The following TRANK1 variants were observed in gnomAD, a reference collection of about 807,000 sequenced individuals.
The protein encoded by TRANK1 is TPR and ankyrin repeat-containing protein 1.
In TRANK1, 198 loss-of-function variants were observed where a neutral mutation model predicts 266.0. That is an observed-to-expected ratio of 0.74 (90% CI 0.66 to 0.84). The LOEUF (loss-of-function observed/expected upper bound fraction) is 0.84, where lower values mean the gene tolerates loss of function less well. TRANK1 is among the 40% of genes least tolerant of loss of function. TRANK1 has a pLI of 0.00. For missense variants in TRANK1, 3,326 were observed against 3,634.6 expected (o/e 0.92, Z 2.18); for synonymous variants, 1,396 against 1,384.1 (o/e 1.01, Z -0.19).
At chr3:36,851,617 G>T in intron 15 of TRANK1, 102 bp downstream of exon 15, 2 of 1,387,964 alleles carry the variant, frequency 1.4e-6, no homozygotes, top group Non-Finnish European at 1.9e-6. Context: ...ACAGGAGCCT[G>T]TGATAAACTC....
chr3:36,833,032 A>G lies in TRANK1; in HGVS notation c.6551T>C (p.Leu2184Pro). Reference sequence around the variant, plus strand: ...GCAGACTCCTCGGTAGGTCTTCCCAAGCAGGCTCCGTGTGATCTGACACAG... The same window carrying G: ...GCAGACTCCTCGGTAGGTCTTCCCAGGCAGGCTCCGTGTGATCTGACACAG... ...GRLCQITRSL[L>P]GKTYRGVCMR... Residue 2184 changes from leucine to proline, a missense_variant, in exon 22 of 24, where the codon CTT (leucine) becomes CCT (proline). Coordinates refer to ENST00000645898, the MANE Select transcript of TRANK1 (RefSeq NM_001329998.2). 6.2e-7 allele frequency: 1 copy of G among 1,612,768 alleles called. No homozygotes were observed. Among genetic ancestry groups the G allele is most frequent in the Non-Finnish European group, 8.5e-7 (1 of 1,179,306 alleles).
Position 36,829,692 on chromosome 3 carries a change from T to C in TRANK1, c.8711-30A>G, listed in dbSNP as rs977203420. 9 of 1,605,262 alleles carry C rather than the reference T, an allele frequency of 5.6e-6. No homozygotes were observed. The African/African-American group carries it at 9.4e-5, about 17-fold the overall frequency. ...AGAAACCAAAGAACATGGCTCTGAG[T>C]AAAGATGCCATTGCAGGAACTAGAA... On this transcript the variant is annotated intron_variant, in intron 22 of 23. Coordinates refer to ENST00000645898, the MANE Select transcript of TRANK1 (RefSeq NM_001329998.2).
intron 1 of TRANK1, among the ~76,000 whole-genome samples, chr3:36,942,285 C>T (rs907982708): frequency 2.0e-5 from 3 of 151,994 alleles, no homozygotes; most frequent in Non-Finnish European, 4.4e-5. Context: ...TGTCTAATCC[C>T]AGATCTAACA....
At position 36,892,882 on chromosome 3, in the gene TRANK1, GAT is replaced by G; in HGVS notation, c.636+17_636+18del. 4.5e-6 allele frequency: 4 copies of G among 896,104 alleles called. No homozygotes were observed. Among genetic ancestry groups the G allele is most frequent in the Non-Finnish European group, 6.1e-6 (4 of 651,166 alleles). 55.5% of individuals were successfully genotyped at this position (896,104 alleles called of 1,614,324 possible). ...ATATATATATATATAGATATATATA[GAT>G]ATATATATCACCTTACCTCAAAGAG... On this transcript the variant is annotated intron_variant, in intron 6 of 23. Transcript: ENST00000645898.
intron 1 of TRANK1, among the ~76,000 whole-genome samples, chr3:36,922,897 AG>A (rs1014493550): frequency 5.3e-5 from 8 of 152,172 alleles, no homozygotes; most frequent in Non-Finnish European, 7.3e-5. Context: ...AGTCCTAATT[AG>A]GAACAGGAAG....
intron 1 of TRANK1, among the ~76,000 whole-genome samples, chr3:36,922,261 G>T (rs1250705422): frequency 6.6e-6 from 1 of 152,164 alleles, no homozygotes; most frequent in Non-Finnish European, 1.5e-5. Flanking sequence ...TGTCCAATGT[G>T]GTAACCACAC....
At position 36,832,580 on chromosome 3, in the gene TRANK1, G is replaced by T. The variant is rs200927629; in HGVS notation, c.7003C>A (p.Gln2335Lys). ...TAGTTGGAAGAGAGAAGGAAAGCTT[G>T]CATGGCACTCAGCCACAGGTCTGTG... is the stretch of plus-strand genomic sequence containing the variant. ...ESTDLWLSAMQAFLLSSNYPE... is the reference protein window; with the variant it reads ...ESTDLWLSAMKAFLLSSNYPE... Residue 2335 changes from glutamine (Q) to lysine (K), a missense_variant, in exon 22 of 24, where the codon CAA (glutamine) becomes AAA (lysine). Coordinates refer to ENST00000645898, the MANE Select transcript of TRANK1 (RefSeq NM_001329998.2). 1.5e-3 allele frequency: 2,346 copies of T among 1,614,010 alleles called. 6 individuals are homozygous for T. Among genetic ancestry groups the T allele is most frequent in the Non-Finnish European group, 1.7e-3 (1,966 of 1,179,906 alleles).
rs780773612 is a variant in TRANK1, at chr3:36,830,838, A to C, written c.8710+35T>G. 3.2e-6 allele frequency: 5 copies of C among 1,540,130 alleles called. No homozygotes were observed. In the Admixed American group the frequency reaches 8.1e-5, roughly 25 times the overall value. On this transcript the variant is annotated intron_variant, in intron 22 of 23. Transcript: ENST00000645898. Reference sequence around the variant, plus strand: ...GAAATGTCCTCAGAGCCCAGGTCTCACTCTGCCTGGGCCCCCATCTCTGCA... The same window carrying C: ...GAAATGTCCTCAGAGCCCAGGTCTCCCTCTGCCTGGGCCCCCATCTCTGCA...
chr3:36,921,242 C>T (rs1353113680), intron 1 of TRANK1, among the ~76,000 whole-genome samples: 1 of 152,138 alleles, frequency 6.6e-6, no homozygotes, highest in Non-Finnish European at 1.5e-5. Context: ...GCTGTCCAAC[C>T]CTAGCCAATA....
In TRANK1 at chr3:36,833,672, G is replaced by T. The variant is rs2078729555; in HGVS notation, c.5911C>A (p.Gln1971Lys). 6.2e-7 allele frequency: 1 copy of T among 1,613,996 alleles called. No homozygotes were observed. ...GCAGCCTCCAGGAGGCAGCCATGTT[G>T]CTTCATCAGCAGGGCAGCCTCTTCT... The part of the protein sequence containing the change: ...RREEAALLMK[Q>K]HGCLLEAARL... The change falls in exon 22 of 24, where the codon CAA becomes AAA. Residue 1971 changes from glutamine (Q) to lysine (K), a missense_variant. Coordinates refer to ENST00000645898, the MANE Select transcript of TRANK1 (RefSeq NM_001329998.2).
At chr3:36,852,723 T>C (rs1046886629) in intron 13 of TRANK1, among the ~76,000 whole-genome samples, 1 of 138,170 alleles carries the variant, frequency 7.2e-6, no homozygotes, top group Non-Finnish European at 1.5e-5. Context: ...TAAGCCAAGA[T>C]CACACCTCAG....
chr3:36,838,862 G>A (rs1031931802), intron 18 of TRANK1, 146 bp from the exon 19 acceptor site: 5 of 780,654 alleles, frequency 6.4e-6, no homozygotes, highest in Middle Eastern at 2.4e-4. Context: ...GGAAGGTGCA[G>A]ATATTCTAAA....
chr3:36,834,904 T>C lies in TRANK1; in HGVS notation c.5521A>G (p.Arg1841Gly). The C allele has an allele frequency of 6.2e-7, 1 of 1,601,106 alleles. No homozygotes were observed. Among genetic ancestry groups the C allele is most frequent in the South Asian group, 1.1e-5 (1 of 88,626 alleles). Residue 1841 changes from arginine (R) to glycine (G), a missense_variant, in exon 21 of 24, where the codon AGA becomes GGA. By Grantham distance (125) the Arg-to-Gly change is moderately radical (BLOSUM62 -2). Transcript: ENST00000645898. ...CGCTTATAGAAATAGGCAGCATCTC[T>C]TATCTAGGATGGAGTAAATTTTACT... is the stretch of plus-strand genomic sequence containing the variant. ...AQLCERLGKI[R>G]DAAYFYKRSQ...
rs58436981 is a variant in TRANK1 at position 36,867,355 on chromosome 3, A to T, written c.1079-2875T>A. ...AAAACTCACATGAAAATGAACAGAA[A>T]CATACTAAGCTCAACAAAAGACACA... On this transcript the variant is annotated intron_variant, in intron 9 of 23. Transcript: ENST00000645898. Among the ~76,000 whole-genome samples, 329 of 152,352 alleles carry T rather than the reference A, an allele frequency of 2.2e-3. 2 individuals are homozygous for T. Among genetic ancestry groups the T allele is most frequent in the African/African-American group, 7.2e-3 (301 of 41,586 alleles).
At chr3:36,908,501 A>C (rs1235626488) in intron 1 of TRANK1, 47 bp from the exon 2 acceptor site, 3 of 1,232,054 alleles carry the variant, frequency 2.4e-6, no homozygotes, top group Non-Finnish European at 3.0e-6. Context: ...CGTGCAGGGC[A>C]TGTTCACCTT....
intron 2 of TRANK1, among the ~76,000 whole-genome samples, chr3:36,904,173 C>G (rs997595530): frequency 1.3e-5 from 2 of 148,584 alleles, no homozygotes; most frequent in Non-Finnish European, 3.0e-5. Flanking sequence ...CCAGGATGGT[C>G]TCGAATTCCT....
At position 36,903,383 on chromosome 3, in the gene TRANK1, A is replaced by C. The variant is rs1305455523; in HGVS notation, c.156-108T>G. 5.9e-6 allele frequency: 8 copies of C among 1,356,782 alleles called. No homozygotes were observed. The African/African-American group carries it at 1.2e-4, about 20-fold the overall frequency. 84.0% of individuals were successfully genotyped at this position (1,356,782 alleles called of 1,614,324 possible). A position where few individuals can be genotyped will look rare whatever the true frequency, so the allele number is the denominator to read the frequency against. On this transcript the variant is annotated intron_variant, in intron 2 of 23. Coordinates refer to ENST00000645898, the MANE Select transcript of TRANK1 (RefSeq NM_001329998.2). ...CTGCCATCAGGAAGGGGGTTTCAGT[A>C]GGAAATGACTCATTCATGCTTATCA...
rs181374351 is a variant in TRANK1 at position 36,860,679 on chromosome 3, G to A, written c.1495+227C>T. Reference sequence around the variant, plus strand: ...AACACCTGATGTTTCCCATACAAAAGAGAAAGGTAGTAACTGGAATTCACA... The same window carrying A: ...AACACCTGATGTTTCCCATACAAAAAAGAAAGGTAGTAACTGGAATTCACA... On this transcript the variant is annotated intron_variant, in intron 11 of 23. Transcript: ENST00000645898. 5.9e-5 allele frequency among the ~76,000 whole-genome samples: 9 copies of A among 151,984 alleles called. No individual in the cohort carries two copies. The East Asian group carries it at 1.7e-3, about 29-fold the overall frequency.
chr3:36,910,289 C>T (rs2080032984), intron 1 of TRANK1, among the ~76,000 whole-genome samples: 1 of 152,156 alleles, frequency 6.6e-6, no homozygotes, highest in Admixed American at 6.5e-5. Flanking sequence ...GGGGACACTG[C>T]TTACAGAGGA....
Sources: allele counts gnomAD v4.1 joint callset (sites outside exome capture counted in the v4.1 genomes callset), GRCh38; gene constraint gnomAD v4.1.1; transcripts MANE v1.5; gene names NCBI Gene and HGNC (gene_info 2026-07-23, HGNC 2026-07-21).